Variants in MARCHF1 observed in about 807,000 individuals in gnomAD.
MARCHF1 encodes the protein membrane associated ring-CH-type finger 1.
Under a neutral mutation model 54.2 loss-of-function variants are expected in MARCHF1, and 40 were observed. That is an observed-to-expected ratio of 0.74 (90% CI 0.57 to 0.96). MARCHF1 has a LOEUF of 0.96. Among genes scored for constraint, MARCHF1 ranks in the 40% least tolerant of loss-of-function variants. The probability of loss-of-function intolerance (pLI) is 0.00; values close to 1 mark genes in which losing one functional copy is unlikely to be tolerated. For missense variants in MARCHF1, 586 were observed against 656.5 expected, an observed-to-expected ratio of 0.89 and a Z score of 1.17; for synonymous variants, 236 against 236.3, an observed-to-expected ratio of 1.00 and a Z score of 0.01.
At chr4:163,864,770 C>G (rs1241074523) in intron 3 of MARCHF1, among the ~76,000 whole-genome samples, 5 of 151,722 alleles carry the variant, frequency 3.3e-5, no homozygotes, top group African/African-American at 1.2e-4. Flanking sequence ...TAAGCCATAA[C>G]CTGTAGAAAA....
At chr4:163,755,504 A>G (rs1730942411) in intron 4 of MARCHF1, among the ~76,000 whole-genome samples, 1 of 152,188 alleles carries the variant, frequency 6.6e-6, no homozygotes, top group Admixed American at 6.6e-5. Context: ...TTTCTCTGTA[A>G]ATTTAATTTC....
At chr4:164,178,766 G>T (rs1266289328) in intron 1 of MARCHF1, among the ~76,000 whole-genome samples, 1 of 151,842 alleles carries the variant, frequency 6.6e-6, no homozygotes, top group East Asian at 1.9e-4. Flanking sequence ...CAAAAATACT[G>T]GTATATTTAA....
intron 3 of MARCHF1, among the ~76,000 whole-genome samples, chr4:163,938,378 G>C (rs1255320136): frequency 6.6e-6 from 1 of 152,168 alleles, no homozygotes; most frequent in Non-Finnish European, 1.5e-5. Context: ...TGAGGTGACT[G>C]GCTGGCCCCC....
chr4:163,684,706 T>C (rs574304205), intron 5 of MARCHF1, among the ~76,000 whole-genome samples: 2 of 152,358 alleles, frequency 1.3e-5, no homozygotes, highest in South Asian at 4.1e-4. Flanking sequence ...CCTCTGGGCA[T>C]TTCTCTCTTC....
chr4:163,916,291 T>C (rs1452859833), intron 3 of MARCHF1, among the ~76,000 whole-genome samples: 2 of 152,194 alleles, frequency 1.3e-5, no homozygotes, highest in East Asian at 3.9e-4. Context: ...CTAATATGTT[T>C]GTCCCAGAGT....
chr4:163,889,426 A>C (rs764969451), intron 3 of MARCHF1, among the ~76,000 whole-genome samples: 16 of 151,426 alleles, frequency 1.1e-4, no homozygotes, highest in Non-Finnish European at 1.8e-4. Context: ...CTATGTAATA[A>C]GGTAATTTTA....
chr4:164,187,197 G>A (rs2111034791), intron 1 of MARCHF1, among the ~76,000 whole-genome samples: 1 of 152,184 alleles, frequency 6.6e-6, no homozygotes, highest in South Asian at 2.1e-4. Flanking sequence ...TTTGTTCGAG[G>A]AAATCTACAA....
At chr4:164,266,786 CT>C (rs529304352) in intron 1 of MARCHF1, among the ~76,000 whole-genome samples, 1,839 of 152,200 alleles carry the variant, frequency 0.012, 43 homozygotes, top group African/African-American at 0.043. Context: ...TACATTTGTG[CT>C]TTAGTATAAC....
rs947962128 is a variant in MARCHF1, at chr4:163,634,192, T to C, written c.163-20799A>G. Among the ~76,000 whole-genome samples, 66 of 152,048 alleles carry C rather than the reference T, an allele frequency of 4.3e-4. 2 individuals carry two copies. The highest frequency in any genetic ancestry group is 8.4e-4 in the South Asian group (4 of 4,790). ...ACTAGGAAGAAACTGCATCAACTAA[T>C]GAGCAAAATAACCAGCTAACATCAT... On this transcript the variant is annotated intron_variant, in intron 5 of 9. Transcript: ENST00000514618.
chr4:163,569,014 G>A (rs1355419515), intron 8 of MARCHF1, among the ~76,000 whole-genome samples: 1 of 152,228 alleles, frequency 6.6e-6, no homozygotes, highest in African/African-American at 2.4e-5. Context: ...GAAATGGTAC[G>A]CTTTGGTGCT....
chr4:163,640,112 G>C (rs904601937), intron 5 of MARCHF1, among the ~76,000 whole-genome samples: 1 of 152,100 alleles, frequency 6.6e-6, no homozygotes, highest in Admixed American at 6.6e-5. Flanking sequence ...GGATTTACTA[G>C]GTTAGATGAT....
intron 3 of MARCHF1, among the ~76,000 whole-genome samples, chr4:163,912,626 A>G (rs796746430): frequency 7.9e-5 from 12 of 152,286 alleles, no homozygotes; most frequent in African/African-American, 2.9e-4. Flanking sequence ...TTTCTACTCA[A>G]TTATATGGTG....
intron 1 of MARCHF1, among the ~76,000 whole-genome samples, chr4:164,204,400 A>G (rs1045534873): frequency 1.3e-5 from 2 of 152,206 alleles, no homozygotes; most frequent in Non-Finnish European, 2.9e-5. Flanking sequence ...TCCACAAAAG[A>G]ATCCATTTTT....
Position 163,561,466 on chromosome 4 carries a change from C to A in MARCHF1, c.1192-15723G>T, listed in dbSNP as rs78080976. ...TTAAGGGAGAGGTTGGATACATAGT[C>A]AAGATTTCTGAAATACATCTATCAC... On this transcript the variant is annotated intron_variant, in intron 8 of 9. Transcript: ENST00000514618. Among the ~76,000 whole-genome samples the A allele has an allele frequency of 4.2e-3, 642 of 152,228 alleles. 3 individuals are homozygous for A. The highest frequency in any genetic ancestry group is 0.014 in the African/African-American group (590 of 41,546).
At chr4:163,779,523 A>T (rs1022404431) in intron 4 of MARCHF1, among the ~76,000 whole-genome samples, 2 of 152,184 alleles carry the variant, frequency 1.3e-5, no homozygotes, top group African/African-American at 4.8e-5. Context: ...GTTTTCCATA[A>T]ATACTTGACA....
intron 1 of MARCHF1, among the ~76,000 whole-genome samples, chr4:164,304,457 C>G (rs960810555): frequency 7.9e-5 from 12 of 152,162 alleles, no homozygotes; most frequent in Admixed American, 4.6e-4. Flanking sequence ...TATCTGCACT[C>G]ATTTTGAAAC....
At chr4:164,349,984 C>T (rs1317927559) in intron 1 of MARCHF1, among the ~76,000 whole-genome samples, 1 of 152,160 alleles carries the variant, frequency 6.6e-6, no homozygotes, top group African/African-American at 2.4e-5. Context: ...GTCAACCAAG[C>T]TTCAGTTTCT....
intron 5 of MARCHF1, among the ~76,000 whole-genome samples, chr4:163,637,423 G>A (rs1393104125): frequency 6.6e-6 from 1 of 152,152 alleles, no homozygotes; most frequent in African/African-American, 2.4e-5. Context: ...CCATCAAAAA[G>A]TGGGCGAAGG....
intron 1 of MARCHF1, among the ~76,000 whole-genome samples, chr4:164,360,351 C>T (rs528850565): frequency 6.6e-6 from 1 of 152,050 alleles, no homozygotes; most frequent in South Asian, 2.1e-4. Flanking sequence ...TCTAGGTCTC[C>T]AAAAAATCCA....
Sources: allele counts gnomAD v4.1 joint callset (sites outside exome capture counted in the v4.1 genomes callset), GRCh38; gene constraint gnomAD v4.1.1; transcripts MANE v1.5; gene names NCBI Gene and HGNC (gene_info 2026-07-23, HGNC 2026-07-21).